The following PIAS4 variants were observed in gnomAD, a reference collection of about 807,000 sequenced individuals.
The protein encoded by PIAS4 is E3 SUMO-protein ligase PIAS4.
Under a neutral mutation model 58.0 loss-of-function variants are expected in PIAS4, and 7 were observed. The observed-to-expected ratio is 0.12, with a 90% CI of 0.07 to 0.23. The LOEUF (loss-of-function observed/expected upper bound fraction) is 0.23, where lower values mean the gene tolerates loss of function less well. PIAS4 is among the 10% of genes least tolerant of loss of function. The probability of loss-of-function intolerance (pLI) is 1.00; values close to 1 mark genes in which losing one functional copy is unlikely to be tolerated. For missense variants in PIAS4, 550 were observed against 709.5 expected, an observed-to-expected ratio of 0.78 and a Z score of 2.55; for synonymous variants, 364 against 312.4, an observed-to-expected ratio of 1.17 and a Z score of -1.74.
chr19:4,029,407 G>C (rs546859462), intron 7 of PIAS4, among the ~76,000 whole-genome samples: 1 of 152,184 alleles, frequency 6.6e-6, no homozygotes, highest in Admixed American at 6.5e-5. Context: ...GCCCCTTCTC[G>C]TTGCCTCAGC....
In PIAS4 at chr19:4,038,146, G is replaced by A. The variant is rs1017222732; in HGVS notation, c.*271G>A. The A allele has an allele frequency of 1.3e-4, 53 of 403,468 alleles. No homozygotes were observed. The highest frequency in any genetic ancestry group is 2.9e-4 in the South Asian group (11 of 38,154). 25.0% of individuals were successfully genotyped at this position (403,468 alleles called of 1,614,324 possible). On this transcript the variant is annotated 3_prime_UTR_variant, in exon 11 of 11. Transcript: ENST00000262971. This position sits in a 1 kb window ranked among gnomAD's most constrained non-coding sequence, Gnocchi z 4.1. ...AACAAGGCCGGCCACCCACACAGCC[G>A]CCTCCCCGGCTGGAGTCCGAGCCGG...
chr19:4,012,900 T>G, intron 1 of PIAS4, 23 bp from the exon 2 acceptor site: 2 of 1,594,776 alleles, frequency 1.3e-6, no homozygotes, highest in Non-Finnish European at 1.7e-6. Context: ...CCTCTGAGTG[T>G]GTGTGTGCTT....
intron 2 of PIAS4, among the ~76,000 whole-genome samples, chr19:4,019,951 C>A (rs985829671): frequency 6.6e-6 from 1 of 151,304 alleles, no homozygotes; most frequent in African/African-American, 2.4e-5. Flanking sequence ...TGGAGTCTCG[C>A]TGTCGCCCGG....
chr19:4,028,499 T>C lies in PIAS4; in HGVS notation c.582-11T>C, dbSNP rs2040190632. 1 of 1,608,614 alleles carries C rather than the reference T, an allele frequency of 6.2e-7. No homozygotes were observed. On this transcript the variant is annotated splice_polypyrimidine_tract_variant and intron_variant, in intron 4 of 10. Coordinates refer to ENST00000262971, the MANE Select transcript of PIAS4 (RefSeq NM_015897.4). ...CCCCTCCCCGCCCCATGGTCCCTGT[T>C]GTCGTTGCAGAATCTGTTACTCAGA...
chr19:4,014,112 G>C (rs8113655), intron 2 of PIAS4, among the ~76,000 whole-genome samples: 1 of 152,170 alleles, frequency 6.6e-6, no homozygotes, highest in African/African-American at 2.4e-5. Context: ...TCCTTGGTCA[G>C]TGGGCTCAGG....
intron 1 of PIAS4, among the ~76,000 whole-genome samples, chr19:4,009,739 C>A (rs924543457): frequency 1.3e-5 from 2 of 152,174 alleles, no homozygotes; most frequent in Non-Finnish European, 2.9e-5. Context: ...GGGGCCTTCC[C>A]CAGCCTGTCA....
rs376697441 is a variant in PIAS4, at chr19:4,013,246, C to T, written c.351C>T (p.Asn117=). The T allele has an allele frequency of 2.6e-4, 415 of 1,613,414 alleles. 2 individuals are homozygous for T. Among genetic ancestry groups the T allele is most frequent in the Admixed American group, 2.8e-4 (17 of 60,018 alleles). The change falls in exon 2 of 11, where the codon AAC becomes AAT. Residue 117 remains asparagine (N), a synonymous_variant. Transcript: ENST00000262971. This position sits in a 1 kb window ranked among gnomAD's most constrained non-coding sequence, Gnocchi z 5.1. ...DYPVLYGKYL[N]GLGRLPAKTL... ...CCGTGCTCTACGGAAAGTACTTAAA[C>T]GGACTGGGACGGTTGCCCGCCAAGA...
intron 9 of PIAS4, among the ~76,000 whole-genome samples, chr19:4,035,361 T>C (rs987809549): frequency 1.3e-5 from 2 of 152,104 alleles, no homozygotes; most frequent in Admixed American, 6.5e-5. Flanking sequence ...ACTGCACCTT[T>C]CCCTTCCTGC....
At chr19:4,028,666 G>T (rs898641781) in intron 5 of PIAS4, 54 bp from the exon 6 acceptor site, 1 of 1,603,304 alleles carries the variant, frequency 6.2e-7, no homozygotes, top group Non-Finnish European at 8.5e-7. Context: ...GGTGGGGGCC[G>T]TCGGATTTCC....
At chr19:4,023,386 G>A (rs2040130208) in intron 2 of PIAS4, among the ~76,000 whole-genome samples, 1 of 152,130 alleles carries the variant, frequency 6.6e-6, no homozygotes, top group Non-Finnish European at 1.5e-5. Flanking sequence ...CTTAAACCCG[G>A]GAGACGGAGG....
intron 1 of PIAS4, among the ~76,000 whole-genome samples, chr19:4,008,809 A>G (rs1056481372): frequency 6.7e-6 from 1 of 150,070 alleles, no homozygotes; most frequent in Non-Finnish European, 1.5e-5. Flanking sequence ...CAGAACTTTT[A>G]TGCACCCCAA....
Position 4,033,458 on chromosome 19 carries a change from G to C in PIAS4, c.1020G>C (p.Glu340Asp). ...KMRLSVPCRA[E>D]TCAHLQCFDA... ...GGCTCTCCGTGCCCTGCCGGGCAGA[G>C]ACCTGTGCCCACCTGCAGTGCTTCG... Residue 340 changes from glutamate to aspartate, a missense_variant, in exon 9 of 11, where the codon GAG becomes GAC. Physicochemically the swap from Glu to Asp is conservative, Grantham distance 45. This residue lies in a region of PIAS4 where 225 missense variants were observed against 345.8 expected (regional missense o/e 0.65). Transcript: ENST00000262971. 6.4e-7 allele frequency: 1 copy of C among 1,566,616 alleles called. No homozygotes were observed. Among genetic ancestry groups the C allele is most frequent in the Non-Finnish European group, 8.6e-7 (1 of 1,156,514 alleles).
chr19:4,033,014 C>A, intron 7 of PIAS4, 86 bp from the exon 8 acceptor site: 1 of 1,055,682 alleles, frequency 9.5e-7, no homozygotes, highest in Non-Finnish European at 1.4e-6. Context: ...GGGAGGTGGA[C>A]GTCAGTGCCG....
At chr19:4,017,170 G>C (rs1310337085) in intron 2 of PIAS4, among the ~76,000 whole-genome samples, 2 of 152,148 alleles carry the variant, frequency 1.3e-5, no homozygotes, top group East Asian at 3.9e-4. Context: ...GGAACAGGGG[G>C]ACTCCGCCAG....
chr19:4,033,245 CG>C, intron 8 of PIAS4, 72 bp downstream of exon 8: 1 of 1,509,778 alleles, frequency 6.6e-7, no homozygotes, highest in Non-Finnish European at 9.1e-7. Flanking sequence ...GCCCTGGGCC[CG>C]GGGCGGCTTG....
In PIAS4 at chr19:4,033,585, G is replaced by GC. The variant is rs749153999; in HGVS notation, c.1142+8dup. On this transcript the variant is annotated splice_donor_region_variant and intron_variant, in intron 9 of 10. Coordinates refer to ENST00000262971, the MANE Select transcript of PIAS4 (RefSeq NM_015897.4). ...CGACCAGCTCATCATCGACGGGTGA[G>GC]CCCGGGGCCCCGGGGAGGGCGGCCG... 2.5e-6 allele frequency: 4 copies of GC among 1,597,152 alleles called. No homozygotes were observed. The South Asian group carries it at 4.5e-5, about 18-fold the overall frequency.
rs1268288861 is a variant in PIAS4 at position 4,038,454 on chromosome 19, G to T, written c.*579G>T. 1 of 151,356 alleles carries T rather than the reference G, an allele frequency of 6.6e-6. No individual in the cohort carries two copies. The highest frequency in any genetic ancestry group is 1.5e-5 in the Non-Finnish European group (1 of 67,762). The allele number at this position is 151,356 out of a possible 1,614,324, so 9.4% of individuals were successfully genotyped here. A position where few individuals can be genotyped will look rare whatever the true frequency, so the allele number is the denominator to read the frequency against. ...GGTTGGGGCGGGGAGGGGCAGTAGG[G>T]TGGGGGGATGGGTGGGCAGGATGGG... On this transcript the variant is annotated 3_prime_UTR_variant, in exon 11 of 11. Coordinates refer to ENST00000262971, the MANE Select transcript of PIAS4 (RefSeq NM_015897.4). This position sits in a 1 kb window ranked among gnomAD's most constrained non-coding sequence, Gnocchi z 4.1.
rs1021533044 is a variant in PIAS4, at chr19:4,013,149, C to A, written c.254C>A (p.Thr85Asn). 1.2e-6 allele frequency: 2 copies of A among 1,613,470 alleles called. No homozygotes were observed. The highest frequency in any genetic ancestry group is 1.7e-6 in the Non-Finnish European group (2 of 1,180,016). ...PQPHRPLDPL[T>N]MHSTYDRAGA... ...CCGCACCGGCCCCTGGACCCCCTGA[C>A]CATGCACTCCACCTACGACCGGGCC... Residue 85 changes from threonine to asparagine, a missense_variant, in exon 2 of 11, where the codon ACC becomes AAC. Around this residue, in one of 4 missense-constraint regions of PIAS4, gnomAD observed 95 missense variants for 87.5 expected, o/e 1.09. Coordinates refer to ENST00000262971, the MANE Select transcript of PIAS4 (RefSeq NM_015897.4). The surrounding 1 kb of genome is among the most constrained non-coding windows in gnomAD (Gnocchi z 5.1).
At chr19:4,009,894 C>T (rs1372330645) in intron 1 of PIAS4, among the ~76,000 whole-genome samples, 1 of 152,108 alleles carries the variant, frequency 6.6e-6, no homozygotes, top group African/African-American at 2.4e-5. Context: ...TGTCTGTGAG[C>T]TCCCTGAAAT....
Sources: gnomAD v4.1 joint callset for allele counts (sites outside exome capture counted in the v4.1 genomes callset) on GRCh38, gnomAD v4.1.1 for gene constraint, gnomAD v4.1.1 regional missense constraint, Gnocchi (gnomAD v3.1) non-coding constraint, MANE v1.5 for transcripts, NCBI Gene and HGNC (gene_info 2026-07-23, HGNC 2026-07-21) for gene names.